EPS15: variants seen among roughly 807,000 people sequenced by gnomAD.
EPS15 encodes epidermal growth factor receptor pathway substrate 15.
A neutral mutation model predicts 113.8 loss-of-function variants in EPS15; 72 were observed. That is an observed-to-expected ratio of 0.63 (90% CI 0.52 to 0.77). The LOEUF is 0.77. Ranked by LOEUF, EPS15 falls within the 30% of genes least tolerant of loss-of-function variation. The pLI is 0.00. For missense variants in EPS15, 1,048 were observed against 1,045.8 expected (o/e 1.00, Z -0.03); for synonymous variants, 344 against 363.4 (o/e 0.95, Z 0.61).
At chr1:51,372,893 G>A in intron 21 of EPS15, 1 of 785,592 alleles carries the variant, frequency 1.3e-6, no homozygotes, top group Non-Finnish European at 1.8e-6. Flanking sequence ...GAGCTACCTG[G>A]AAAAAACAGC....
intron 16 of EPS15, among the ~76,000 whole-genome samples, chr1:51,405,676 C>T (rs537485594): frequency 1.4e-4 from 21 of 148,290 alleles, no homozygotes; most frequent in Non-Finnish European, 2.8e-4. Context: ...CCAGCCTGGG[C>T]AACAAGAGCA....
intron 12 of EPS15, chr1:51,423,781 A>T (rs1650978425): frequency 5.3e-6 from 5 of 943,830 alleles, no homozygotes; most frequent in Non-Finnish European, 6.3e-6. Context: ...AGGCAGAAAG[A>T]TGGGAGAGCA....
intron 12 of EPS15, among the ~76,000 whole-genome samples, chr1:51,433,179 T>A (rs559986933): frequency 6.6e-6 from 1 of 152,382 alleles, no homozygotes; most frequent in Non-Finnish European, 1.5e-5. Context: ...CCTGGCTACA[T>A]AGTTCCATTC....
intron 8 of EPS15, among the ~76,000 whole-genome samples, chr1:51,450,209 C>T (rs1653426225): frequency 6.6e-6 from 1 of 151,682 alleles, no homozygotes; most frequent in Non-Finnish European, 1.5e-5. Context: ...CAGGGCACTC[C>T]TGGGCAGCTC....
chr1:51,508,324 G>GAGAA (rs1644550274), intron 1 of EPS15, among the ~76,000 whole-genome samples: 4 of 123,906 alleles, frequency 3.2e-5, no homozygotes, highest in East Asian at 2.1e-4. Context: ...GAGAGAAAGA[G>GAGAA]AGAAAGAGAA....
At position 51,408,151 on chromosome 1, in the gene EPS15, T is replaced by C; in HGVS notation, c.1457A>G (p.Gln486Arg). ...AAGACTTACTGAACTAATTTCCTGT[T>C]GTGAATCTTGTAGGTGCTGCTGAAG... is the stretch of plus-strand genomic sequence containing the variant. ...EPLQQHLQDSQQEISSMQMKL... is the reference protein window; with the variant it reads ...EPLQQHLQDSRQEISSMQMKL... Residue 486 changes from glutamine to arginine, a missense_variant, in exon 15 of 25, where the codon CAA (glutamine) becomes CGA (arginine). Transcript: ENST00000371733. 1 of 1,614,068 alleles carries C rather than the reference T, an allele frequency of 6.2e-7. No homozygotes were observed. The highest frequency in any genetic ancestry group is 8.5e-7 in the Non-Finnish European group (1 of 1,179,904).
At chr1:51,467,023 TA>T (rs1457402061) in intron 5 of EPS15, among the ~76,000 whole-genome samples, 1 of 152,084 alleles carries the variant, frequency 6.6e-6, no homozygotes, top group South Asian at 2.1e-4. Context: ...GACATTCACA[TA>T]AAGGCAATGT....
intron 8 of EPS15, among the ~76,000 whole-genome samples, chr1:51,449,859 G>A (rs1425057854): frequency 6.6e-6 from 1 of 151,642 alleles, no homozygotes; most frequent in East Asian, 1.9e-4. Context: ...TTCTGGGTGG[G>A]ACCACAGGAA....
intron 1 of EPS15, among the ~76,000 whole-genome samples, chr1:51,494,966 T>C (rs1331339800): frequency 6.6e-6 from 1 of 152,214 alleles, no homozygotes; most frequent in African/African-American, 2.4e-5. Flanking sequence ...CTCAATTCTT[T>C]CTGGCAAACC....
intron 12 of EPS15, among the ~76,000 whole-genome samples, chr1:51,432,735 G>T (rs542283346): frequency 1.3e-5 from 2 of 152,196 alleles, no homozygotes; most frequent in African/African-American, 4.8e-5. Context: ...TAGCAAGGAG[G>T]TTTTCAAGTA....
intron 10 of EPS15, 141 bp downstream of exon 10, chr1:51,446,819 A>T (rs1653096410): frequency 1.5e-6 from 1 of 686,944 alleles, no homozygotes; most frequent in Non-Finnish European, 2.4e-6. Context: ...TAGCCAGAAG[A>T]ATTCTTCAGA....
intron 12 of EPS15, among the ~76,000 whole-genome samples, chr1:51,425,177 T>G (rs1651097935): frequency 6.6e-6 from 1 of 152,216 alleles, no homozygotes; most frequent in Non-Finnish European, 1.5e-5. Context: ...ACAGTTCTGA[T>G]TCCATGGAGC....
At chr1:51,458,337 G>C (rs1654171011) in intron 8 of EPS15, 1 of 150,236 alleles carries the variant, frequency 6.7e-6, no homozygotes, top group South Asian at 2.1e-4. Context: ...AGTTACCTGG[G>C]AATAGGCTCC....
At position 51,444,948 on chromosome 1, in the gene EPS15, G is replaced by C; in HGVS notation, c.895C>G (p.Pro299Ala). 6.2e-7 allele frequency: 1 copy of C among 1,613,946 alleles called. No individual in the cohort carries two copies. The highest frequency in any genetic ancestry group is 8.5e-7 in the Non-Finnish European group (1 of 1,179,880). The part of the protein sequence containing the change: ...ISQKLIKGID[P>A]PHVLTPEMIP... ...ATTTCAGGAGTAAGAACGTGAGGAG[G>C]ATCAATGCCCTTGATTAACTTCTGA... Residue 299 changes from proline (P) to alanine (A), a missense_variant, in exon 11 of 25, where the codon CCT becomes GCT. Coordinates refer to ENST00000371733, the MANE Select transcript of EPS15 (RefSeq NM_001981.3).
intron 1 of EPS15, among the ~76,000 whole-genome samples, chr1:51,486,817 G>T (rs1347866899): frequency 1.3e-5 from 2 of 151,476 alleles, no homozygotes; most frequent in Middle Eastern, 3.4e-3. Context: ...ACCACACCTG[G>T]CTAATTTTTG....
chr1:51,427,567 T>G (rs1651335124), intron 12 of EPS15, among the ~76,000 whole-genome samples: 1 of 152,172 alleles, frequency 6.6e-6, no homozygotes, highest in African/African-American at 2.4e-5. Flanking sequence ...GAATGGGAAC[T>G]TGACTCTCCC....
At position 51,406,033 on chromosome 1, in the gene EPS15, T is replaced by A; in HGVS notation, c.1549A>T (p.Ser517Cys). The A allele has an allele frequency of 6.2e-7, 1 of 1,614,220 alleles. No homozygotes were observed. The highest frequency in any genetic ancestry group is 1.1e-5 in the South Asian group (1 of 91,086). The change falls in exon 16 of 25, where the codon AGC becomes TGC. Residue 517 changes from serine to cysteine, a missense_variant. Coordinates refer to ENST00000371733, the MANE Select transcript of EPS15 (RefSeq NM_001981.3). Reference sequence around the variant, plus strand: ...TCTGTAGCTCCGTTTACAAGAATGCTGTGTGGGCTACTGCACCAATTTAAC... The same window carrying A: ...TCTGTAGCTCCGTTTACAAGAATGCAGTGTGGGCTACTGCACCAATTTAAC... ...SQLNWCSSPH[S>C]ILVNGATDYC... is the part of the protein sequence containing the mutation.
At chr1:51,511,502 C>G (rs1349560991) in intron 1 of EPS15, among the ~76,000 whole-genome samples, 2 of 152,042 alleles carry the variant, frequency 1.3e-5, no homozygotes, top group African/African-American at 4.8e-5. Flanking sequence ...CTCAAAAGTA[C>G]TAAAACTTTA....
intron 13 of EPS15, among the ~76,000 whole-genome samples, chr1:51,415,607 G>A (rs1053402316): frequency 1.3e-5 from 2 of 151,364 alleles, no homozygotes; most frequent in Admixed American, 6.6e-5. Flanking sequence ...GACCAGCCTG[G>A]CCAACATGGA....
Sources: gnomAD v4.1 joint callset for allele counts (sites outside exome capture counted in the v4.1 genomes callset) on GRCh38, gnomAD v4.1.1 for gene constraint, MANE v1.5 for transcripts, NCBI Gene and HGNC (gene_info 2026-07-23, HGNC 2026-07-21) for gene names.